ATF7IP: variants seen among roughly 807,000 people sequenced by gnomAD.
ATF7IP encodes the protein activating transcription factor 7-interacting protein 1.
ATF7IP carries 23 observed loss-of-function variants against 106.4 expected under a neutral mutation model. The ratio of observed to expected loss-of-function variants is 0.22; its 90% CI spans 0.16 to 0.31. ATF7IP has a LOEUF of 0.31. Among genes scored for constraint, ATF7IP ranks in the 10% least tolerant of loss-of-function variants. The pLI, the probability that ATF7IP is intolerant of heterozygous loss-of-function variation, is 1.00. For missense variants in ATF7IP, 1,334 were observed against 1,524.3 expected (o/e 0.88, Z 2.08); for synonymous variants, 542 against 539.0 (o/e 1.01, Z -0.08).
At chr12:14,390,221 A>G (rs188726607) in intron 1 of ATF7IP, among the ~76,000 whole-genome samples, 1 of 152,338 alleles carries the variant, frequency 6.6e-6, no homozygotes, top group African/African-American at 2.4e-5. Flanking sequence ...GAAAGTAAAC[A>G]TAAGTAAAAT....
At chr12:14,381,069 G>T (rs187908374) in intron 1 of ATF7IP, among the ~76,000 whole-genome samples, 2 of 152,104 alleles carry the variant, frequency 1.3e-5, no homozygotes, top group Non-Finnish European at 1.5e-5. Context: ...CCATTTTATC[G>T]TTCTCTCTGC....
At chr12:14,440,585 C>G (rs1264525032) in intron 5 of ATF7IP, among the ~76,000 whole-genome samples, 1 of 152,148 alleles carries the variant, frequency 6.6e-6, no homozygotes, top group Non-Finnish European at 1.5e-5. Flanking sequence ...AATTCCATCT[C>G]TTTGTGTCTT....
Position 14,481,032 on chromosome 12 carries a change from C to T in ATF7IP, c.3127C>T (p.Pro1043Ser). 6.2e-7 allele frequency: 1 copy of T among 1,613,982 alleles called. No homozygotes were observed. The highest frequency in any genetic ancestry group is 8.5e-7 in the Non-Finnish European group (1 of 1,179,942). Residue 1043 changes from proline to serine, a missense_variant, in exon 13 of 15, where the codon CCA becomes TCA. Pro to Ser is a moderately conservative substitution (Grantham distance 74, BLOSUM62 -1). Transcript: ENST00000261168. ...APTTVNVTHR[P>S]VTQVTTRLPV... ...AACTACCGTGAATGTAACACATCGT[C>T]CAGTAACTCAGGTGACCACAAGACT...
chr12:14,458,321 T>G (rs1943511277), intron 8 of ATF7IP, among the ~76,000 whole-genome samples: 1 of 152,174 alleles, frequency 6.6e-6, no homozygotes, highest in South Asian at 2.1e-4. Flanking sequence ...TATCTATATC[T>G]GTTTTTAGTC....
At chr12:14,468,469 C>T (rs910288574) in intron 10 of ATF7IP, among the ~76,000 whole-genome samples, 48 of 135,754 alleles carry the variant, frequency 3.5e-4, no homozygotes, top group African/African-American at 1.1e-3. Flanking sequence ...AGTGAGACTC[C>T]GTCTCTATAA....
At position 14,481,276 on chromosome 12, in the gene ATF7IP, A is replaced by G. The variant is rs772043677; in HGVS notation, c.3280+91A>G. 23 of 1,291,598 alleles carry G rather than the reference A, an allele frequency of 1.8e-5. No individual in the cohort carries two copies. In the East Asian group the frequency reaches 4.5e-4, roughly 25 times the overall value. 80.0% of individuals were successfully genotyped at this position (1,291,598 alleles called of 1,614,324 possible). A position where few individuals can be genotyped will look rare whatever the true frequency, so the allele number is the denominator to read the frequency against. On this transcript the variant is annotated intron_variant, in intron 13 of 14. Transcript: ENST00000261168. ...GGCATATAATAATGTTAAATTTTGC[A>G]AAAATTTCTTATAATGTCATATTAA...
At chr12:14,390,432 T>G (rs919688235) in intron 1 of ATF7IP, among the ~76,000 whole-genome samples, 20 of 152,304 alleles carry the variant, frequency 1.3e-4, no homozygotes, top group African/African-American at 3.8e-4. Context: ...ATTAGAAACA[T>G]CTAAGTACCT....
intron 13 of ATF7IP, among the ~76,000 whole-genome samples, chr12:14,486,261 T>C (rs1944608612): frequency 6.6e-6 from 1 of 152,202 alleles, no homozygotes; most frequent in African/African-American, 2.4e-5. Flanking sequence ...ACCACAATGA[T>C]GCTTTGGGTC....
At chr12:14,391,583 C>T (rs1360176833) in intron 1 of ATF7IP, among the ~76,000 whole-genome samples, 1 of 152,202 alleles carries the variant, frequency 6.6e-6, no homozygotes, top group Non-Finnish European at 1.5e-5. Flanking sequence ...AGAACACCAA[C>T]TTTGAGTCAA....
At chr12:14,493,558 C>T (rs1262804325) in intron 13 of ATF7IP, among the ~76,000 whole-genome samples, 3 of 152,140 alleles carry the variant, frequency 2.0e-5, no homozygotes, top group East Asian at 3.9e-4. Flanking sequence ...GTGGATGTTG[C>T]CACTACTGGG....
At chr12:14,463,779 A>G (rs1223061576) in intron 9 of ATF7IP, among the ~76,000 whole-genome samples, 2 of 152,182 alleles carry the variant, frequency 1.3e-5, no homozygotes, top group Non-Finnish European at 2.9e-5. Context: ...GGTGGTATGA[A>G]AAAGATTTAA....
chr12:14,416,901 G>C, intron 1 of ATF7IP: 1 of 985,010 alleles, frequency 1.0e-6, no homozygotes, highest in Non-Finnish European at 1.2e-6. Flanking sequence ...TTTTCCTGTG[G>C]GGAGATTATA....
At chr12:14,490,548 G>A (rs992404639) in intron 13 of ATF7IP, among the ~76,000 whole-genome samples, 9 of 152,194 alleles carry the variant, frequency 5.9e-5, no homozygotes, top group African/African-American at 2.2e-4. Context: ...CTTCACTGCT[G>A]TTCTTCAGGG....
chr12:14,395,032 C>T (rs1347222963), intron 1 of ATF7IP: 1 of 151,824 alleles, frequency 6.6e-6, no homozygotes, highest in Non-Finnish European at 1.5e-5. Flanking sequence ...GCTGCACAAA[C>T]TACCCAACAG....
intron 5 of ATF7IP, among the ~76,000 whole-genome samples, chr12:14,440,077 A>G (rs991427075): frequency 6.6e-6 from 1 of 152,182 alleles, no homozygotes; most frequent in Non-Finnish European, 1.5e-5. Context: ...CTTGAAGGAA[A>G]ATCTTCCCGT....
chr12:14,496,050 T>G (rs919571798), intron 13 of ATF7IP, among the ~76,000 whole-genome samples, 181 bp from the exon 14 acceptor site: 3 of 152,194 alleles, frequency 2.0e-5, no homozygotes, highest in Admixed American at 2.0e-4. Context: ...GTAAGAAAGT[T>G]TTTTTATCCA....
chr12:14,469,616 A>C (rs1404423955), intron 10 of ATF7IP, among the ~76,000 whole-genome samples: 1 of 152,140 alleles, frequency 6.6e-6, no homozygotes, highest in Non-Finnish European at 1.5e-5. Context: ...TATCAACATA[A>C]GCTATAAAAT....
At chr12:14,475,541 G>C (rs147521738) in intron 10 of ATF7IP, among the ~76,000 whole-genome samples, 60 of 152,224 alleles carry the variant, frequency 3.9e-4, no homozygotes, top group Non-Finnish European at 7.4e-4. Flanking sequence ...TGGTGTTGTG[G>C]TAGATTAATA....
At chr12:14,480,298 A>G (rs1001163675) in intron 12 of ATF7IP, among the ~76,000 whole-genome samples, 3 of 152,186 alleles carry the variant, frequency 2.0e-5, no homozygotes, top group African/African-American at 7.2e-5. Flanking sequence ...AATCATTATT[A>G]TAGATACATG....
Sources: gnomAD v4.1 joint callset for allele counts (sites outside exome capture counted in the v4.1 genomes callset) on GRCh38, gnomAD v4.1.1 for gene constraint, MANE v1.5 for transcripts, NCBI Gene and HGNC (gene_info 2026-07-23, HGNC 2026-07-21) for gene names.